The following PDXDC1 variants were observed in gnomAD, a reference collection of about 807,000 sequenced individuals.
PDXDC1 encodes pyridoxal-dependent decarboxylase domain-containing protein 1.
A neutral mutation model predicts 100.1 loss-of-function variants in PDXDC1; 42 were observed. The ratio of observed to expected loss-of-function variants is 0.42; its 90% CI spans 0.33 to 0.54. The LOEUF is 0.54. PDXDC1 is among the 20% of genes least tolerant of loss of function. The pLI is 0.10. For synonymous variants in PDXDC1, 260 were observed against 371.7 expected (o/e 0.70, Z 3.46); for missense variants, 636 against 979.2 (o/e 0.65, Z 4.68).
At chr16:15,041,799 G>A (rs899934487), downstream of PDXDC1, 18 of 737,462 alleles carry the variant, frequency 2.4e-5, no homozygotes, top group South Asian at 4.1e-5. Context: ...CCTACAGCCC[G>A]CGCCCACACT....
intron 1 of PDXDC1, among the ~76,000 whole-genome samples, chr16:14,987,415 A>G (rs1969622938): frequency 6.6e-6 from 1 of 152,294 alleles, no homozygotes; most frequent in Non-Finnish European, 1.5e-5. Flanking sequence ...GGGGCTTGTG[A>G]GGAAGTAATG....
At chr16:15,124,472 GCAAAACAAAAA>G (rs1420394760) in intron 16 of PDXDC1, among the ~76,000 whole-genome samples, 1 of 151,950 alleles carries the variant, frequency 6.6e-6, no homozygotes, top group African/African-American at 2.4e-5. Context: ...TAAGAAACAA[GCAAAACAAAAA>G]CAAAACAGGG....
chr16:15,084,831 C>A (rs8061051), intron 16 of PDXDC1: 460,988 of 695,828 alleles, frequency 0.66, 158,175 homozygotes, highest in Admixed American at 0.72. Flanking sequence ...TTTGGGAGGC[C>A]GAGGTGGGTG....
intron 15 of PDXDC1, chr16:15,029,559 G>A (rs1437015773): frequency 8.2e-5 from 31 of 378,784 alleles, no homozygotes; most frequent in African/African-American, 1.4e-4. Flanking sequence ...GGTCATAAAC[G>A]AAATGAATCA....
rs1027970810 is a variant in PDXDC1, at chr16:15,036,493, C to T, written c.*218C>T. 12 of 555,128 alleles carry T rather than the reference C, an allele frequency of 2.2e-5. No individual in the cohort carries two copies. The highest frequency in any genetic ancestry group is 5.8e-5 in the East Asian group (2 of 34,560). The allele number at this position is 555,128 out of a possible 1,614,324, so 34.4% of individuals were successfully genotyped here. A position where few individuals can be genotyped will look rare whatever the true frequency, so the allele number is the denominator to read the frequency against. ...TAGAACCACGTTTGCTGTCCTACTA[C>T]GACTTTTCCCTAAGTTACCATAAAC... On this transcript the variant is annotated 3_prime_UTR_variant, in exon 23 of 23. Transcript: ENST00000396410.
chr16:15,028,455 A>G (rs2042793329), intron 14 of PDXDC1, among the ~76,000 whole-genome samples: 1 of 152,300 alleles, frequency 6.6e-6, no homozygotes, highest in Admixed American at 6.5e-5. Flanking sequence ...CTAAAATGTA[A>G]GCTCCAAGAT....
At chr16:14,990,985 G>A (rs1312453885) in intron 1 of PDXDC1, among the ~76,000 whole-genome samples, 3 of 152,270 alleles carry the variant, frequency 2.0e-5, no homozygotes, top group Non-Finnish European at 4.4e-5. Context: ...CAGGTGATCC[G>A]TCAACCTCGG....
intron 16 of PDXDC1, among the ~76,000 whole-genome samples, chr16:15,124,291 G>A (rs1334088970): frequency 6.6e-6 from 1 of 152,186 alleles, no homozygotes. Flanking sequence ...CAGGCCTTCT[G>A]CCCAATCACA....
At chr16:15,100,671 T>C (rs1229830129) in intron 16 of PDXDC1, among the ~76,000 whole-genome samples, 1 of 152,130 alleles carries the variant, frequency 6.6e-6, no homozygotes, top group African/African-American at 2.4e-5. Context: ...ACTCTTCCAA[T>C]TAAGAACCAC....
intron 11 of PDXDC1, among the ~76,000 whole-genome samples, chr16:15,018,536 G>T (rs1320217952): frequency 6.6e-6 from 1 of 152,300 alleles, no homozygotes; most frequent in African/African-American, 2.4e-5. Context: ...GTTTGAGGAT[G>T]CTCAGAGCTA....
At chr16:15,084,622 A>G (rs2045841592) in intron 16 of PDXDC1, 1 of 1,539,374 alleles carries the variant, frequency 6.5e-7, no homozygotes. Context: ...AACATTCAAA[A>G]TAAGGAAAAG....
In PDXDC1 at chr16:15,130,262, G is replaced by A. The variant is rs1307115824; in HGVS notation, c.1400-8617G>A. 3.9e-6 allele frequency: 6 copies of A among 1,547,080 alleles called. No individual in the cohort carries two copies. The South Asian group carries it at 7.1e-5, about 18-fold the overall frequency. On this transcript the variant is annotated intron_variant, in intron 16 of 16. Transcript: ENST00000535621. ...AGAGGCTGGCGCCGAAGGCGGTGAG[G>A]TGGCGGGTGAGGCAGACGGCCTGGC...
At chr16:14,984,027 G>T (rs147443154) in intron 1 of PDXDC1, among the ~76,000 whole-genome samples, 12,269 of 136,536 alleles carry the variant, frequency 0.09, 128 homozygotes, top group East Asian at 0.21. Context: ...GCCAGGCTTG[G>T]TGGCATGCAC....
chr16:15,038,240 A>C lies in PDXDC1; in HGVS notation c.*1965A>C. 1 of 1,571,014 alleles carries C rather than the reference A, an allele frequency of 6.4e-7. No individual in the cohort carries two copies. The highest frequency in any genetic ancestry group is 1.1e-5 in the South Asian group (1 of 88,726). On this transcript the variant is annotated 3_prime_UTR_variant, in exon 23 of 23. Transcript: ENST00000396410. ...AAACACAAGATGGTGGGCATTAGAG[A>C]AGCCAACCTTACTGTCCCCTGCTGT...
At chr16:15,013,596 G>A (rs1170700197) in intron 8 of PDXDC1, among the ~76,000 whole-genome samples, 1 of 152,270 alleles carries the variant, frequency 6.6e-6, no homozygotes, top group Non-Finnish European at 1.5e-5. Context: ...ACTACAATAG[G>A]CCGAGCATGA....
At chr16:15,083,621 C>T (rs1012033678) in intron 16 of PDXDC1, 2 of 1,584,680 alleles carry the variant, frequency 1.3e-6, no homozygotes, top group Non-Finnish European at 1.7e-6. Flanking sequence ...GTTAACTTTA[C>T]TTTCTAGAAA....
intron 18 of PDXDC1, 101 bp downstream of exon 18, chr16:15,033,080 G>T: frequency 1.0e-6 from 1 of 989,808 alleles, no homozygotes; most frequent in South Asian, 1.4e-5. Context: ...GCGCCTCTCG[G>T]GCTGGGTTCC....
intron 13 of PDXDC1, among the ~76,000 whole-genome samples, chr16:15,023,912 C>T (rs1201925333): frequency 5.9e-5 from 9 of 152,398 alleles, no homozygotes; most frequent in East Asian, 1.9e-4. Context: ...GAAAGTATGC[C>T]GGTTGGTCTC....
At chr16:15,052,388 G>A (rs2044329018) in intron 16 of PDXDC1, among the ~76,000 whole-genome samples, 1 of 152,198 alleles carries the variant, frequency 6.6e-6, no homozygotes, top group East Asian at 1.9e-4. Flanking sequence ...ATGAGCTGTG[G>A]CTTGTTGACC....
Sources: gnomAD v4.1 joint callset for allele counts (sites outside exome capture counted in the v4.1 genomes callset) on GRCh38, gnomAD v4.1.1 for gene constraint, MANE v1.5 for transcripts, NCBI Gene and HGNC (gene_info 2026-07-23, HGNC 2026-07-21) for gene names.